Variants in FXYD5 observed in about 807,000 individuals in gnomAD.
The protein encoded by FXYD5 is FXYD domain containing ion transport regulator 5.
FXYD5 carries 21 observed loss-of-function variants against 25.7 expected under a neutral mutation model. The ratio of observed to expected loss-of-function variants is 0.82; its 90% CI spans 0.58 to 1.18. The LOEUF is 1.18. FXYD5 is among the 50% of genes most tolerant of loss of function. The pLI is 0.00. For missense variants in FXYD5, 229 were observed against 227.7 expected (o/e 1.01, Z -0.04); for synonymous variants, 101 against 90.7 (o/e 1.11, Z -0.64).
intron 4 of FXYD5, chr19:35,159,927 C>G (rs983182604): frequency 3.7e-6 from 1 of 273,964 alleles, no homozygotes; most frequent in Non-Finnish European, 6.8e-6. Context: ...CTCCTGCCGC[C>G]CAGGCACAGT....
intron 8 of FXYD5, among the ~76,000 whole-genome samples, 156 bp from the exon 9 acceptor site, chr19:35,169,410 G>T (rs1168377571): frequency 6.6e-6 from 1 of 152,050 alleles, no homozygotes. Flanking sequence ...CCCCAGCACT[G>T]GCTGTTCTCG....
At chr19:35,162,905 C>T (rs1019377105) in intron 5 of FXYD5, among the ~76,000 whole-genome samples, 1 of 152,208 alleles carries the variant, frequency 6.6e-6, no homozygotes, top group Non-Finnish European at 1.5e-5. Context: ...ACAGTAATAG[C>T]AATGGCTGAC....
At chr19:35,163,952 C>T (rs17612800) in intron 5 of FXYD5, 154,562 of 1,446,246 alleles carry the variant, frequency 0.11, 9,507 homozygotes, top group South Asian at 0.22. Context: ...TAGTCGCAAC[C>T]GGGGCTATGT....
rs1054335415 is a variant in FXYD5, at chr19:35,157,036, G to A, written c.62-385G>A. 1.9e-5 allele frequency: 4 copies of A among 209,858 alleles called. No individual in the cohort carries two copies. In the South Asian group the frequency reaches 2.9e-4, roughly 15 times the overall value. 13.0% of individuals were successfully genotyped at this position (209,858 alleles called of 1,614,324 possible). On this transcript the variant is annotated intron_variant, in intron 2 of 8. Transcript: ENST00000392219. The stretch of plus-strand genomic sequence containing the variant: ...CATTTCACCCTATCTACAGCCCTGT[G>A]AAGTAGATTCAGTTATTATCCCTGC...
intron 8 of FXYD5, among the ~76,000 whole-genome samples, chr19:35,168,801 G>A (rs1041960226): frequency 6.6e-5 from 10 of 152,246 alleles, no homozygotes; most frequent in South Asian, 2.1e-4. Flanking sequence ...AGTGGTTCAC[G>A]TATGTAATCC....
rs867799177 is a variant in FXYD5, at chr19:35,158,542, C to A, written c.199+142C>A. The A allele has an allele frequency of 4.4e-5, 26 of 586,498 alleles. No individual in the cohort carries two copies. In the Middle Eastern group the frequency reaches 1.6e-3, roughly 37 times the overall value. 36.3% of individuals were successfully genotyped at this position (586,498 alleles called of 1,614,324 possible). On this transcript the variant is annotated intron_variant, in intron 4 of 8. Coordinates refer to ENST00000392219, the MANE Select transcript of FXYD5 (RefSeq NM_014164.6). ...TGCCCTGGTTTACTCTGGGTGGGGA[C>A]AGCCAACTCCATTCAATTCTTTAGA... is the stretch of plus-strand genomic sequence containing the variant.
chr19:35,167,781 A>G (rs1451601018), intron 8 of FXYD5, among the ~76,000 whole-genome samples: 2 of 152,262 alleles, frequency 1.3e-5, no homozygotes, highest in East Asian at 3.9e-4. Flanking sequence ...TGAATCTGAG[A>G]GTCAAGCACT....
chr19:35,158,223 C>A, intron 3 of FXYD5, 121 bp from the exon 4 acceptor site: 1 of 715,672 alleles, frequency 1.4e-6, no homozygotes, highest in Non-Finnish European at 2.6e-6. Context: ...ATTAATTAAG[C>A]CATTTCTATT....
chr19:35,163,416 T>TG (rs1054103424), intron 5 of FXYD5, among the ~76,000 whole-genome samples: 12 of 151,626 alleles, frequency 7.9e-5, no homozygotes, highest in Non-Finnish European at 1.8e-4. Context: ...TTTTTTTTTT[T>TG]TTTTCAAGAG....
At chr19:35,155,938 A>G (rs1243975412) in intron 2 of FXYD5, among the ~76,000 whole-genome samples, 1 of 152,194 alleles carries the variant, frequency 6.6e-6, no homozygotes, top group Non-Finnish European at 1.5e-5. Context: ...CAGGAAACCT[A>G]GGCTCCCAGA....
chr19:35,167,588 T>C (rs931508737), intron 8 of FXYD5, among the ~76,000 whole-genome samples: 1 of 152,006 alleles, frequency 6.6e-6, no homozygotes, highest in African/African-American at 2.4e-5. Flanking sequence ...TTTAAAATGT[T>C]GTGGGTGAAA....
intron 6 of FXYD5, among the ~76,000 whole-genome samples, chr19:35,164,767 A>C (rs1381514976): frequency 6.6e-6 from 1 of 152,208 alleles, no homozygotes; most frequent in Non-Finnish European, 1.5e-5. Context: ...GTGCTAGGCT[A>C]GTTCTAGGGG....
chr19:35,169,420 G>A (rs772092493), intron 8 of FXYD5, 146 bp from the exon 9 acceptor site: 380 of 646,376 alleles, frequency 5.9e-4, no homozygotes, highest in Non-Finnish European at 9.0e-4. Context: ...GGCTGTTCTC[G>A]GTGTGTTTCT....
chr19:35,157,327 A>T, intron 2 of FXYD5, 94 bp from the exon 3 acceptor site: 1 of 684,610 alleles, frequency 1.5e-6, no homozygotes, highest in Non-Finnish European at 2.7e-6. Context: ...ACCAGCAGAC[A>T]GGACCCCTAA....
intron 5 of FXYD5, among the ~76,000 whole-genome samples, chr19:35,162,167 T>C (rs1159845237): frequency 6.6e-6 from 1 of 152,200 alleles, no homozygotes; most frequent in Admixed American, 6.5e-5. Context: ...TTCCTGGATA[T>C]ATGTGACAGA....
chr19:35,162,531 A>G (rs1281091704), intron 5 of FXYD5, among the ~76,000 whole-genome samples: 2 of 152,088 alleles, frequency 1.3e-5, no homozygotes, highest in Non-Finnish European at 2.9e-5. Context: ...TGTCTTCACC[A>G]TGTCCTCTCC....
chr19:35,164,254 C>T lies in FXYD5; in HGVS notation c.382+9C>T. On this transcript the variant is annotated intron_variant, in intron 6 of 8. Transcript: ENST00000392219. ...GACCCTCAAGCCATCTGGTTAGTAACTGCCTCCCCAGACTGGAAACAGGCT... is the reference window on the plus strand; with the variant it reads ...GACCCTCAAGCCATCTGGTTAGTAATTGCCTCCCCAGACTGGAAACAGGCT... 6.2e-7 allele frequency: 1 copy of T among 1,606,572 alleles called. No homozygotes were observed. The highest frequency in any genetic ancestry group is 8.5e-7 in the Non-Finnish European group (1 of 1,176,080).
At chr19:35,157,670 A>T in intron 3 of FXYD5, 169 bp downstream of exon 3, 1 of 500,686 alleles carries the variant, frequency 2.0e-6, no homozygotes, top group East Asian at 4.0e-5. Context: ...TGCTATCAGA[A>T]CCTCTCTCCA....
chr19:35,160,720 C>CCCAAGA lies in FXYD5; in HGVS notation c.213_214insAAGACC (p.Pro71_Gln72insLysThr), dbSNP rs1555739122. On this transcript the variant is annotated inframe_insertion, in exon 5 of 9. Coordinates refer to ENST00000392219, the MANE Select transcript of FXYD5 (RefSeq NM_014164.6). ...CCTGACCTGAATAGAAACACCACAA[C>CCCAAGA]CCCAGACCCAGACCCAGCAACTGGA... is the stretch of plus-strand genomic sequence containing the variant. The CCCAAGA allele has an allele frequency of 6.2e-7, 1 of 1,612,242 alleles. No individual in the cohort carries two copies. Among genetic ancestry groups the CCCAAGA allele is most frequent in the African/African-American group, 1.3e-5 (1 of 74,854 alleles).
Sources: allele counts gnomAD v4.1 joint callset (sites outside exome capture counted in the v4.1 genomes callset), GRCh38; gene constraint gnomAD v4.1.1; transcripts MANE v1.5; gene names NCBI Gene and HGNC (gene_info 2026-07-23, HGNC 2026-07-21).